The following GRM7 variants were observed in gnomAD, a reference collection of about 807,000 sequenced individuals.
The protein encoded by GRM7 is metabotropic glutamate receptor 7.
Under a neutral mutation model 84.5 loss-of-function variants are expected in GRM7, and 35 were observed. That is an observed-to-expected ratio of 0.41 (90% CI 0.32 to 0.55). The LOEUF is 0.55. Ranked by LOEUF, GRM7 falls within the 20% of genes least tolerant of loss-of-function variation. The pLI is 0.19. For synonymous variants in GRM7, 487 were observed against 455.1 expected (o/e 1.07, Z -0.89); for missense variants, 1,003 against 1,194.6 (o/e 0.84, Z 2.36).
chr3:7,343,923 G>A (rs1286402182), intron 4 of GRM7, among the ~76,000 whole-genome samples: 1 of 152,112 alleles, frequency 6.6e-6, no homozygotes, highest in Non-Finnish European at 1.5e-5. Context: ...AGGGAATGAG[G>A]CCCAGGAGTT....
chr3:7,229,745 A>ATG (rs1697111526), intron 2 of GRM7, among the ~76,000 whole-genome samples: 1 of 30,890 alleles, frequency 3.2e-5, no homozygotes, highest in African/African-American at 1.1e-4. Flanking sequence ...ATATATATAT[A>ATG]TATATATATA....
At chr3:7,487,894 G>T (rs565104329) in intron 7 of GRM7, among the ~76,000 whole-genome samples, 1 of 152,262 alleles carries the variant, frequency 6.6e-6, no homozygotes, top group Admixed American at 6.5e-5. Flanking sequence ...GAAAACCACA[G>T]GCTCTAGTGT....
rs528511630 is a variant in GRM7 at position 7,691,659 on chromosome 3, TTTTG to T, written c.2698+11368_2698+11371del. On this transcript the variant is annotated intron_variant, in intron 9 of 9. Transcript: ENST00000357716. Reference sequence around the variant, plus strand: ...CTGCTCATCTGGTTTTTTTATTCTGTTTTGTTTATTTATTTATTTGAGATGGAGG... The same window carrying T: ...CTGCTCATCTGGTTTTTTTATTCTGTTTTATTTATTTATTTGAGATGGAGG... Among the ~76,000 whole-genome samples the T allele has an allele frequency of 3.3e-5, 5 of 152,126 alleles. No individual in the cohort carries two copies. In the South Asian group the frequency reaches 6.2e-4, roughly 19 times the overall value.
At chr3:6,907,379 G>A (rs148024904) in intron 1 of GRM7, among the ~76,000 whole-genome samples, 2 of 152,174 alleles carry the variant, frequency 1.3e-5, no homozygotes, top group South Asian at 2.1e-4. Flanking sequence ...CCGTGGAGAC[G>A]TGATCATTAA....
intron 1 of GRM7, among the ~76,000 whole-genome samples, chr3:7,093,715 GGT>G (rs1698754076): frequency 7.3e-5 from 4 of 55,132 alleles, no homozygotes; most frequent in South Asian, 6.0e-4. Flanking sequence ...AAAAAAAAAA[GGT>G]AGTTAGTGGC....
intron 1 of GRM7, among the ~76,000 whole-genome samples, chr3:7,092,210 C>A (rs1698690412): frequency 6.6e-6 from 1 of 152,116 alleles, no homozygotes; most frequent in South Asian, 2.1e-4. Flanking sequence ...AATGATGTGT[C>A]AGAACAGAAT....
At chr3:7,516,464 G>A (rs1170526541) in intron 7 of GRM7, among the ~76,000 whole-genome samples, 26 of 100,098 alleles carry the variant, frequency 2.6e-4, no homozygotes, top group African/African-American at 9.4e-4. Flanking sequence ...GCGGCAGAGC[G>A]AGACTCCCTC....
chr3:7,470,716 T>C (rs1396931117), intron 7 of GRM7, among the ~76,000 whole-genome samples: 1 of 152,092 alleles, frequency 6.6e-6, no homozygotes, highest in Non-Finnish European at 1.5e-5. Context: ...AGGCAAAATA[T>C]ATATGAAAAA....
intron 2 of GRM7, among the ~76,000 whole-genome samples, chr3:7,192,461 C>T (rs748196574): frequency 5.3e-5 from 8 of 152,102 alleles, no homozygotes; most frequent in Non-Finnish European, 7.4e-5. Context: ...TGGTTGACCT[C>T]GACTCTGTCA....
intron 8 of GRM7, among the ~76,000 whole-genome samples, chr3:7,615,177 GTGTGTATA>G (rs971970317): frequency 5.9e-5 from 9 of 152,114 alleles, no homozygotes; most frequent in African/African-American, 2.2e-4. Flanking sequence ...TGCATGATAT[GTGTGTATA>G]TGTGTGTATT....
chr3:7,244,423 G>A (rs1439607179), intron 2 of GRM7, among the ~76,000 whole-genome samples: 1 of 152,048 alleles, frequency 6.6e-6, no homozygotes, highest in Non-Finnish European at 1.5e-5. Context: ...TAATGTGTGA[G>A]ACAAGATTCT....
intron 5 of GRM7, among the ~76,000 whole-genome samples, chr3:7,448,551 G>C (rs1192568183): frequency 6.6e-6 from 1 of 152,158 alleles, no homozygotes; most frequent in African/African-American, 2.4e-5. Context: ...TATATGAGTA[G>C]TCAAAGACTC....
chr3:7,554,878 C>G (rs1693683438), intron 7 of GRM7, among the ~76,000 whole-genome samples: 1 of 152,244 alleles, frequency 6.6e-6, no homozygotes, highest in African/African-American at 2.4e-5. Flanking sequence ...CTTGGAAATG[C>G]AGTTCAGCTG....
intron 2 of GRM7, among the ~76,000 whole-genome samples, chr3:7,270,900 T>C (rs1463612285): frequency 6.6e-6 from 1 of 152,178 alleles, no homozygotes; most frequent in Non-Finnish European, 1.5e-5. Context: ...GCTATTTTGG[T>C]CCCAGTCCAC....
At chr3:7,552,243 T>A (rs927837637) in intron 7 of GRM7, among the ~76,000 whole-genome samples, 1 of 152,240 alleles carries the variant, frequency 6.6e-6, no homozygotes, top group African/African-American at 2.4e-5. Flanking sequence ...AAGAAGTTGG[T>A]TCTCACAGTC....
intron 1 of GRM7, among the ~76,000 whole-genome samples, chr3:7,144,223 T>C (rs182625946): frequency 3.9e-5 from 6 of 152,202 alleles, no homozygotes; most frequent in African/African-American, 1.2e-4. Flanking sequence ...TGAGTGTTTA[T>C]AGCTTTGTGA....
intron 4 of GRM7, among the ~76,000 whole-genome samples, chr3:7,361,391 T>A (rs1693657719): frequency 6.6e-6 from 1 of 152,230 alleles, no homozygotes; most frequent in Non-Finnish European, 1.5e-5. Context: ...TTGCTTTATG[T>A]CCTAACCATA....
chr3:7,482,094 A>G (rs1414803141), intron 7 of GRM7, among the ~76,000 whole-genome samples: 1 of 152,198 alleles, frequency 6.6e-6, no homozygotes, highest in Non-Finnish European at 1.5e-5. Context: ...AGGCTGAGGC[A>G]GGAGAATGGC....
At chr3:7,447,922 C>G (rs1697591943) in intron 5 of GRM7, among the ~76,000 whole-genome samples, 1 of 120,256 alleles carries the variant, frequency 8.3e-6, no homozygotes, top group African/African-American at 3.1e-5. Flanking sequence ...ACAACAGTCC[C>G]CGGAATGTGA....
Sources: gnomAD v4.1 joint callset for allele counts (sites outside exome capture counted in the v4.1 genomes callset) on GRCh38, gnomAD v4.1.1 for gene constraint, MANE v1.5 for transcripts, NCBI Gene and HGNC (gene_info 2026-07-23, HGNC 2026-07-21) for gene names.